The following MUC5AC variants were observed in gnomAD, a reference collection of about 807,000 sequenced individuals.
The protein encoded by MUC5AC is mucin-5AC.
A neutral mutation model predicts 169.7 loss-of-function variants in MUC5AC; 158 were observed. That is an observed-to-expected ratio of 0.93 (90% CI 0.82 to 1.06). The LOEUF is 1.06. MUC5AC is among the 50% of genes least tolerant of loss of function. The pLI, the probability that MUC5AC is intolerant of heterozygous loss-of-function variation, is 0.00. For synonymous variants in MUC5AC, 1,975 were observed against 1,237.0 expected, an observed-to-expected ratio of 1.60 and a Z score of -12.52; for missense variants, 4,359 against 3,089.9, an observed-to-expected ratio of 1.41 and a Z score of -9.74.
chr11:1,186,570 A>G lies in MUC5AC; in HGVS notation c.8425A>G (p.Ile2809Val). 3 of 704,698 alleles carry G rather than the reference A, an allele frequency of 4.3e-6. No homozygotes were observed. The highest frequency in any genetic ancestry group is 7.8e-6 in the Non-Finnish European group (3 of 386,242). The allele number at this position is 704,698 out of a possible 1,614,324, so 43.7% of individuals were successfully genotyped here. Residue 2809 changes from isoleucine (I) to valine (V), a missense_variant, in exon 31 of 49, where the codon ATA (isoleucine) becomes GTA (valine). Coordinates refer to ENST00000621226, the MANE Select transcript of MUC5AC (RefSeq NM_001304359.2). ...TATAACCAGCACAACTTCTGCCCCT[A>G]TAAGCAGCACAACTTCCACACCACA... ...TTITSTTSAP[I>V]SSTTSTPQTS... is the part of the protein sequence containing the mutation.
At chr11:1,159,396 C>T (rs1860056364) in intron 1 of MUC5AC, among the ~76,000 whole-genome samples, 1 of 139,690 alleles carries the variant, frequency 7.2e-6, no homozygotes, top group Non-Finnish European at 1.6e-5. Flanking sequence ...GGGGTCCAGT[C>T]CCACGATGAT....
chr11:1,185,264 C>T lies in MUC5AC; in HGVS notation c.7119C>T (p.Thr2373=), dbSNP rs1860909995. 1 of 671,244 alleles carries T rather than the reference C, an allele frequency of 1.5e-6. No individual in the cohort carries two copies. Among genetic ancestry groups the T allele is most frequent in the African/African-American group, 1.9e-5 (1 of 53,948 alleles). The allele number at this position is 671,244 out of a possible 1,614,324, so 41.6% of individuals were successfully genotyped here. A position where few individuals can be genotyped will look rare whatever the true frequency, so the allele number is the denominator to read the frequency against. ...CCTCTGCTCCTACAACCAGCACAACCTCTGCCCGTACAAGCAGCACAACCT... is the reference window on the plus strand; with the variant it reads ...CCTCTGCTCCTACAACCAGCACAACTTCTGCCCGTACAAGCAGCACAACCT... ...STTSAPTTST[T]SARTSSTTSA... The change falls in exon 31 of 49, where the codon ACC becomes ACT. Residue 2373 remains threonine, a synonymous_variant. Coordinates refer to ENST00000621226, the MANE Select transcript of MUC5AC (RefSeq NM_001304359.2).
chr11:1,163,144 A>G (rs1214972210), intron 6 of MUC5AC, 99 bp downstream of exon 6: 3 of 1,121,662 alleles, frequency 2.7e-6, no homozygotes, highest in Non-Finnish European at 4.1e-6. Flanking sequence ...ACACACATGC[A>G]CAGATACACG....
chr11:1,195,520 C>T (rs1487882045), intron 36 of MUC5AC, among the ~76,000 whole-genome samples: 1 of 152,012 alleles, frequency 6.6e-6, no homozygotes, highest in Non-Finnish European at 1.5e-5. Context: ...CAAGGGGTCA[C>T]CAGGGTTGGC....
chr11:1,196,355 C>T, intron 37 of MUC5AC, 33 bp from the exon 38 acceptor site: 1 of 763,542 alleles, frequency 1.3e-6, no homozygotes, highest in South Asian at 1.3e-5. Context: ...GGTGCCCTCC[C>T]ACCCTCTCAG....
Position 1,176,197 on chromosome 11 carries a change from C to T in MUC5AC, c.2448C>T (p.Pro816=), listed in dbSNP as rs1034131270. 11 of 398,560 alleles carry T rather than the reference C, an allele frequency of 2.8e-5. No homozygotes were observed. The highest frequency in any genetic ancestry group is 2.5e-4 in the South Asian group (2 of 7,870). 24.7% of individuals were successfully genotyped at this position (398,560 alleles called of 1,614,324 possible). A position where few individuals can be genotyped will look rare whatever the true frequency, so the allele number is the denominator to read the frequency against. The stretch of plus-strand genomic sequence containing the variant: ...TCTTTGACTGCCGAAATGCCACGCC[C>T]GGGGACACAGGGGCTGGCTGTCAGA... ...MVFFDCRNAT[P]GDTGAGCQKS... Residue 816 remains proline, a synonymous_variant, in exon 20 of 49, where the codon CCC becomes CCT. Transcript: ENST00000621226.
At position 1,196,026 on chromosome 11, in the gene MUC5AC, T is replaced by C. The variant is rs534758123; in HGVS notation, c.15609T>C (p.Asp5203=). ...GTGCGTCCCACGACATCTGCATCGA[T>C]TGGAGAGGCCGGACCGGCCACATGT... ...ALCASHDICI[D]WRGRTGHMCP... Residue 5203 remains aspartate (D), a synonymous_variant, in exon 37 of 49, where the codon GAT becomes GAC. Transcript: ENST00000621226. 1.8e-5 allele frequency: 14 copies of C among 764,806 alleles called. No homozygotes were observed. Among genetic ancestry groups the C allele is most frequent in the African/African-American group, 1.4e-4 (8 of 59,254 alleles). 47.4% of individuals were successfully genotyped at this position (764,806 alleles called of 1,614,324 possible).
chr11:1,182,900 C>A lies in MUC5AC; in HGVS notation c.4755C>A (p.Thr1585=), dbSNP rs1443473417. The A allele has an allele frequency of 4.5e-5, 18 of 398,772 alleles. No homozygotes were observed. The South Asian group carries it at 2.3e-3, about 51-fold the overall frequency. The allele number at this position is 398,772 out of a possible 1,614,324, so 24.7% of individuals were successfully genotyped here. The change falls in exon 31 of 49, where the codon ACC becomes ACA. Residue 1585 remains threonine, a synonymous_variant. Transcript: ENST00000621226. ...SSCLQELCTW[T]EWIDGSYPAP... ...GCCTGCAGGAGCTTTGCACCTGGAC[C>A]GAGTGGATCGATGGCAGCTACCCTG...
At chr11:1,160,757 C>T in intron 2 of MUC5AC, 68 bp downstream of exon 2, 1 of 1,483,202 alleles carries the variant, frequency 6.7e-7, no homozygotes, top group South Asian at 1.2e-5. Flanking sequence ...TGGCACGGCC[C>T]CTAGGGCCAC....
chr11:1,164,416 G>A lies in MUC5AC; in HGVS notation c.1013G>A (p.Cys338Tyr). The A allele has an allele frequency of 6.2e-7, 1 of 1,612,346 alleles. No homozygotes were observed. The highest frequency in any genetic ancestry group is 8.5e-7 in the Non-Finnish European group (1 of 1,179,728). The change falls in exon 9 of 49, where the codon TGC becomes TAC. Residue 338 changes from cysteine to tyrosine, a missense_variant. By Grantham distance (194) the Cys-to-Tyr change is radical. Transcript: ENST00000621226. ...WRGPDFCPQK[C>Y]PNNMQYHECR... Reference sequence around the variant, plus strand: ...TCTCTGCCTCCCGCAGCCCAGAAGTGCCCCAACAACATGCAGTACCACGAG... The same window carrying A: ...TCTCTGCCTCCCGCAGCCCAGAAGTACCCCAACAACATGCAGTACCACGAG...
chr11:1,175,908 C>CATGCTT lies in MUC5AC; in HGVS notation c.2402-242_2402-241insTGCTTA, dbSNP rs2133743756. 2.7e-5 allele frequency among the ~76,000 whole-genome samples: 4 copies of CATGCTT among 145,500 alleles called. 1 individual carries two copies. The highest frequency in any genetic ancestry group is 7.7e-5 in the African/African-American group (3 of 38,924). ...ACATGCACACACACCCACACATGCACACACACCCACTCATGCACACACACT... is the reference window on the plus strand; with the variant it reads ...ACATGCACACACACCCACACATGCACATGCTTACACACCCACTCATGCACACACACT... On this transcript the variant is annotated intron_variant, in intron 19 of 48. Transcript: ENST00000621226.
Position 1,193,606 on chromosome 11 carries a change from C to A in MUC5AC, c.14702C>A (p.Pro4901Gln). 1 of 764,990 alleles carries A rather than the reference C, an allele frequency of 1.3e-6. No individual in the cohort carries two copies. The highest frequency in any genetic ancestry group is 2.4e-6 in the Non-Finnish European group (1 of 417,846). The allele number at this position is 764,990 out of a possible 1,614,324, so 47.4% of individuals were successfully genotyped here. ...AAGCCCACTTGTGCCAACGGCTACC[C>A]GGCTGTGAAGGTGGCTGACCAAGAT... ...VEKPTCANGYPAVKVADQDGC... is the reference protein window; with the variant it reads ...VEKPTCANGYQAVKVADQDGC... The change falls in exon 33 of 49, where the codon CCG (proline) becomes CAG (glutamine). Residue 4901 changes from proline to glutamine, a missense_variant. Physicochemically the swap from Pro to Gln is moderately conservative, Grantham distance 76. Transcript: ENST00000621226.
rs573714547 is a variant in MUC5AC at position 1,164,284 on chromosome 11, G to T, written c.968G>T (p.Gly323Val). The change falls in exon 8 of 49, where the codon GGG becomes GTG. Residue 323 changes from glycine to valine, a missense_variant. Coordinates refer to ENST00000621226, the MANE Select transcript of MUC5AC (RefSeq NM_001304359.2). ...TCCCGGCAGTGCACCCATGCAGGGG[G>T]GTTGCCCCAGGACTGGCGGGGCCCT... ...EYSRQCTHAG[G>V]LPQDWRGPDF... The T allele has an allele frequency of 3.7e-6, 6 of 1,612,528 alleles. No homozygotes were observed. Among genetic ancestry groups the T allele is most frequent in the Admixed American group, 3.3e-5 (2 of 60,022 alleles).
In MUC5AC at chr11:1,190,621, C is replaced by A; in HGVS notation, c.12476C>A (p.Thr4159Asn). ...ACCAGCACAACCTTGGCTCCTACAA[C>A]CAGCACAACCTCTGCTCCAACAACC... ...PTTSTTLAPT[T>N]STTSAPTTST... Residue 4159 changes from threonine to asparagine, a missense_variant, in exon 31 of 49, where the codon ACC becomes AAC. Transcript: ENST00000621226. The A allele has an allele frequency of 1.4e-6, 1 of 695,594 alleles. No homozygotes were observed. Among genetic ancestry groups the A allele is most frequent in the South Asian group, 1.5e-5 (1 of 65,850 alleles). The allele number at this position is 695,594 out of a possible 1,614,324, so 43.1% of individuals were successfully genotyped here.
chr11:1,194,258 T>C lies in MUC5AC; in HGVS notation c.14904T>C (p.Gly4968=), dbSNP rs780710060. 4 of 764,448 alleles carry C rather than the reference T, an allele frequency of 5.2e-6. No individual in the cohort carries two copies. The highest frequency in any genetic ancestry group is 7.2e-6 in the Non-Finnish European group (3 of 417,670). The allele number at this position is 764,448 out of a possible 1,614,324, so 47.4% of individuals were successfully genotyped here. The part of the protein sequence containing the change: ...FRVLVDNYFC[G]AEDGLSCPRS... ...TGCTCGTCGACAACTACTTCTGCGGTGCGGAGGACGGGCTCTCCTGCCCGA... is the reference window on the plus strand; with the variant it reads ...TGCTCGTCGACAACTACTTCTGCGGCGCGGAGGACGGGCTCTCCTGCCCGA... The change falls in exon 34 of 49, where the codon GGT becomes GGC. Residue 4968 remains glycine (G), a synonymous_variant. Transcript: ENST00000621226.
At chr11:1,163,657 G>A (rs1047816353) in intron 6 of MUC5AC, among the ~76,000 whole-genome samples, 2 of 152,162 alleles carry the variant, frequency 1.3e-5, no homozygotes, top group Admixed American at 1.3e-4. Context: ...AACCTCCTGG[G>A]CTGTTTCTCC....
chr11:1,180,612 G>A, intron 28 of MUC5AC, 96 bp downstream of exon 28: 1 of 398,532 alleles, frequency 2.5e-6, no homozygotes, highest in Non-Finnish European at 4.4e-6. Flanking sequence ...GGCAGGGCTG[G>A]GGACCTCCCC....
At position 1,182,479 on chromosome 11, in the gene MUC5AC, G is replaced by A. The variant is rs1424030948; in HGVS notation, c.4334G>A (p.Arg1445His). 20 of 398,544 alleles carry A rather than the reference G, an allele frequency of 5.0e-5. No individual in the cohort carries two copies. Among genetic ancestry groups the A allele is most frequent in the Non-Finnish European group, 6.6e-5 (15 of 226,130 alleles). 24.7% of individuals were successfully genotyped at this position (398,544 alleles called of 1,614,324 possible). Residue 1445 changes from arginine (R) to histidine (H), a missense_variant, in exon 31 of 49, where the codon CGT (arginine) becomes CAT (histidine). Arg to His is a conservative substitution (Grantham distance 29, BLOSUM62 0). Transcript: ENST00000621226. ...GTGCCGCTCCGAGCCCTGGGGCAGC[G>A]TGTGCAGTGCAGCCCGGATGTGGGG... ...PGVPLRALGQ[R>H]VQCSPDVGLT...
intron 37 of MUC5AC, 25 bp from the exon 38 acceptor site, chr11:1,196,363 C>G: frequency 1.3e-6 from 1 of 764,216 alleles, no homozygotes; most frequent in Admixed American, 1.7e-5. Flanking sequence ...CCCACCCTCT[C>G]AGGTGTGGCT....
Sources: gnomAD v4.1 joint callset for allele counts (sites outside exome capture counted in the v4.1 genomes callset) on GRCh38, gnomAD v4.1.1 for gene constraint, MANE v1.5 for transcripts, NCBI Gene and HGNC (gene_info 2026-07-23, HGNC 2026-07-21) for gene names.